Variants in RASSF8 observed in about 807,000 individuals in gnomAD.
RASSF8 encodes Ras association domain family member 8.
Under a neutral mutation model 48.5 loss-of-function variants are expected in RASSF8, and 22 were observed. The observed-to-expected ratio is 0.45, with a 90% confidence interval of 0.32 to 0.65. The LOEUF (loss-of-function observed/expected upper bound fraction) is 0.65. Ranked by LOEUF, RASSF8 falls within the 30% of genes least tolerant of loss-of-function variation. The probability of loss-of-function intolerance (pLI) is 0.03; values close to 1 mark genes in which losing one functional copy is unlikely to be tolerated. For missense variants in RASSF8, 418 were observed against 489.2 expected (o/e 0.85, Z 1.37); for synonymous variants, 127 against 171.5 (o/e 0.74, Z 2.03).
chr12:26,074,390 T>C (rs1016459266), downstream of RASSF8, among the ~76,000 whole-genome samples: 1 of 152,188 alleles, frequency 6.6e-6, no homozygotes, highest in Non-Finnish European at 1.5e-5. Context: ...TCGCCCAGGC[T>C]GGACGGCAAT....
At chr12:26,003,854 T>C (rs918757931) in intron 2 of RASSF8, among the ~76,000 whole-genome samples, 1 of 152,142 alleles carries the variant, frequency 6.6e-6, no homozygotes, top group African/African-American at 2.4e-5. Context: ...TATGTATTTA[T>C]AGTAAAAAAT....
chr12:25,984,530 AC>A (rs1941826968), intron 1 of RASSF8, among the ~76,000 whole-genome samples: 1 of 152,146 alleles, frequency 6.6e-6, no homozygotes, highest in Admixed American at 6.5e-5. Flanking sequence ...TTTAGTAGAT[AC>A]AGGGTTTCAC....
intron 2 of RASSF8, among the ~76,000 whole-genome samples, chr12:26,017,138 T>A (rs1025091594): frequency 2.6e-5 from 4 of 152,086 alleles, no homozygotes; most frequent in Admixed American, 2.0e-4. Context: ...TTAAAAAAAT[T>A]TTTGGTTGCT....
intron 1 of RASSF8, chr12:25,973,826 G>A (rs1941539552): frequency 6.6e-6 from 1 of 152,238 alleles, no homozygotes; most frequent in Non-Finnish European, 1.5e-5. Flanking sequence ...CTGATCCGCT[G>A]GTGCCATAAT....
In RASSF8 at chr12:26,057,651, G is replaced by A. The variant is rs112950141; in HGVS notation, c.103+2205G>A. Among the ~76,000 whole-genome samples, 647 of 152,256 alleles carry A rather than the reference G, an allele frequency of 4.2e-3. 6 individuals carry two copies. Among genetic ancestry groups the A allele is most frequent in the African/African-American group, 0.015 (609 of 41,538 alleles). On this transcript the variant is annotated intron_variant, in intron 3 of 5. Transcript: ENST00000689635. ...CCTTTGGGTATATACGCAATAATGG[G>A]ATGGCTGGGTCAAATGGTATTTCTA... is the stretch of plus-strand genomic sequence containing the variant.
At chr12:26,063,178 T>C (rs1315619002) in intron 3 of RASSF8, among the ~76,000 whole-genome samples, 4 of 152,046 alleles carry the variant, frequency 2.6e-5, no homozygotes, top group African/African-American at 9.7e-5. Context: ...ACAAGTATAA[T>C]TGCTGGATGG....
chr12:25,993,286 T>G (rs1227094342), intron 1 of RASSF8, among the ~76,000 whole-genome samples: 1 of 152,214 alleles, frequency 6.6e-6, no homozygotes, highest in African/African-American at 2.4e-5. Context: ...ACCATAATCT[T>G]TTTGGCCTTT....
chr12:26,027,623 G>A (rs1033358204), intron 2 of RASSF8, among the ~76,000 whole-genome samples: 25 of 152,260 alleles, frequency 1.6e-4, no homozygotes, highest in Admixed American at 9.2e-4. Flanking sequence ...GACTTCTGCT[G>A]TGTGGTTGTG....
intron 2 of RASSF8, among the ~76,000 whole-genome samples, chr12:26,019,329 GAGA>G (rs140121635): frequency 5.4e-4 from 82 of 152,190 alleles, no homozygotes; most frequent in African/African-American, 1.9e-3. Flanking sequence ...AATATATTTT[GAGA>G]AGGAGCAAAA....
intron 2 of RASSF8, among the ~76,000 whole-genome samples, chr12:26,025,464 A>AG (rs1339025089): frequency 1.3e-5 from 2 of 150,990 alleles, no homozygotes; most frequent in African/African-American, 4.9e-5. Context: ...CGGCAGGCTG[A>AG]GGCAGGAGAA....
At chr12:26,005,415 C>G (rs1942367051) in intron 2 of RASSF8, among the ~76,000 whole-genome samples, 1 of 152,106 alleles carries the variant, frequency 6.6e-6, no homozygotes, top group Admixed American at 6.6e-5. Flanking sequence ...CCTCATTGCA[C>G]CGGTGACTGT....
intron 1 of RASSF8, among the ~76,000 whole-genome samples, chr12:25,978,977 A>G (rs1941674322): frequency 6.6e-6 from 1 of 152,180 alleles, no homozygotes; most frequent in South Asian, 2.1e-4. Flanking sequence ...ACAGTACTTC[A>G]TGCTAGTTAA....
At chr12:25,991,175 T>G (rs1305828579) in intron 1 of RASSF8, among the ~76,000 whole-genome samples, 1 of 151,968 alleles carries the variant, frequency 6.6e-6, no homozygotes. Context: ...AAATGAAGGG[T>G]TTGCATTCTT....
chr12:26,061,306 A>G (rs1943736743), intron 3 of RASSF8, among the ~76,000 whole-genome samples: 1 of 152,138 alleles, frequency 6.6e-6, no homozygotes, highest in South Asian at 2.1e-4. Flanking sequence ...TTCTTAAGTG[A>G]AAGTAAGCTG....
chr12:25,991,299 C>A (rs1942008248), intron 1 of RASSF8, among the ~76,000 whole-genome samples: 1 of 152,104 alleles, frequency 6.6e-6, no homozygotes, highest in Non-Finnish European at 1.5e-5. Flanking sequence ...ATTACAATAA[C>A]CTGATATTGT....
At chr12:26,033,225 C>T (rs1282478180) in intron 2 of RASSF8, among the ~76,000 whole-genome samples, 1 of 152,216 alleles carries the variant, frequency 6.6e-6, no homozygotes, top group Admixed American at 6.5e-5. Context: ...AACTGAGGCT[C>T]AGCTCTCAGG....
intron 2 of RASSF8, among the ~76,000 whole-genome samples, chr12:26,022,973 G>A (rs902915058): frequency 2.0e-5 from 3 of 151,950 alleles, no homozygotes; most frequent in Non-Finnish European, 2.9e-5. Context: ...TCTCAAACTC[G>A]CGACCTCAGG....
At position 25,960,618 on chromosome 12, in the gene RASSF8, T is replaced by C. The variant is rs149581356; in HGVS notation, c.-203+1470T>C. Reference sequence around the variant, plus strand: ...TATTCAAGGATCAAGTACAACAAAATATAATTTGTAATACAGATGATAAAA... The same window carrying C: ...TATTCAAGGATCAAGTACAACAAAACATAATTTGTAATACAGATGATAAAA... On this transcript the variant is annotated intron_variant, in intron 1 of 5. Transcript: ENST00000689635. Among the ~76,000 whole-genome samples the C allele has an allele frequency of 2.0e-3, 306 of 152,334 alleles. 1 individual carries two copies. The highest frequency in any genetic ancestry group is 6.8e-3 in the African/African-American group (283 of 41,580).
rs201646405 is a variant in RASSF8, at chr12:26,004,159, AG to A, written c.-109+9030del. Among the ~76,000 whole-genome samples, 1,064 of 152,362 alleles carry A rather than the reference AG, an allele frequency of 7.0e-3. 10 individuals carry two copies. Among genetic ancestry groups the A allele is most frequent in the African/African-American group, 0.024 (1,009 of 41,580 alleles). On this transcript the variant is annotated intron_variant, in intron 2 of 5. Coordinates refer to ENST00000689635, the MANE Select transcript of RASSF8 (RefSeq NM_001394098.1). ...GCCACTGCACTCAAGACTGGGTGAC[AG>A]ACTGAGACCCTGTCTCAAACATAAA...
Sources: allele counts gnomAD v4.1 joint callset (sites outside exome capture counted in the v4.1 genomes callset), GRCh38; gene constraint gnomAD v4.1.1; transcripts MANE v1.5; gene names NCBI Gene and HGNC (gene_info 2026-07-23, HGNC 2026-07-21).